GABRG3: variants seen among roughly 807,000 people sequenced by gnomAD.
The protein encoded by GABRG3 is gamma-aminobutyric acid receptor subunit gamma-3.
In GABRG3, 25 loss-of-function variants were observed where a neutral mutation model predicts 48.8. The observed-to-expected ratio is 0.51, with a 90% confidence interval of 0.37 to 0.72. The LOEUF is 0.72. Among genes scored for constraint, GABRG3 ranks in the 30% least tolerant of loss-of-function variants. GABRG3 has a pLI of 0.00. For synonymous variants in GABRG3, 227 were observed against 217.6 expected (o/e 1.04, Z -0.38); for missense variants, 394 against 577.9 (o/e 0.68, Z 3.26).
chr15:27,360,406 G>A (rs1359336784), intron 5 of GABRG3, among the ~76,000 whole-genome samples: 3 of 152,188 alleles, frequency 2.0e-5, no homozygotes, highest in South Asian at 2.1e-4. Context: ...TGGGAGTTAT[G>A]GAGCCCTGTA....
At chr15:27,303,323 C>T (rs891061057) in intron 3 of GABRG3, among the ~76,000 whole-genome samples, 1 of 151,610 alleles carries the variant, frequency 6.6e-6, no homozygotes, top group Admixed American at 6.6e-5. Flanking sequence ...AGAAACACCT[C>T]TATGGGAATA....
chr15:27,460,010 T>C (rs1183279889), intron 5 of GABRG3, among the ~76,000 whole-genome samples: 1 of 152,152 alleles, frequency 6.6e-6, no homozygotes, highest in Non-Finnish European at 1.5e-5. Context: ...GTCCTTTGAA[T>C]GGAATTGGAC....
At chr15:27,241,385 A>C (rs1287794975) in intron 3 of GABRG3, among the ~76,000 whole-genome samples, 1 of 152,246 alleles carries the variant, frequency 6.6e-6, no homozygotes, top group African/African-American at 2.4e-5. Flanking sequence ...AACAGTTTCT[A>C]GAACTGTTAT....
chr15:27,078,735 C>T (rs1404598989), intron 3 of GABRG3, among the ~76,000 whole-genome samples: 2 of 152,148 alleles, frequency 1.3e-5, no homozygotes, highest in Non-Finnish European at 2.9e-5. Context: ...AAGTGTCTTT[C>T]GCATGAGGAC....
At chr15:27,137,458 C>T (rs1898029819) in intron 3 of GABRG3, among the ~76,000 whole-genome samples, 1 of 152,138 alleles carries the variant, frequency 6.6e-6, no homozygotes, top group African/African-American at 2.4e-5. Context: ...TAAATGCTGG[C>T]AAGATTCTCT....
At chr15:27,522,987 C>T (rs3101644) in intron 7 of GABRG3, among the ~76,000 whole-genome samples, 94,876 of 151,630 alleles carry the variant, frequency 0.63, 30,859 homozygotes, top group African/African-American at 0.81. Context: ...TATCAATGTC[C>T]TTGAGCTATT....
At chr15:27,183,904 T>TGATGCATGG (rs1369685317) in intron 3 of GABRG3, among the ~76,000 whole-genome samples, 22 of 152,364 alleles carry the variant, frequency 1.4e-4, no homozygotes, top group Admixed American at 1.3e-3. Context: ...TCACCTCACA[T>TGATGCATGG]TTATTCATCA....
At chr15:27,162,014 A>C (rs935012851) in intron 3 of GABRG3, among the ~76,000 whole-genome samples, 1 of 152,026 alleles carries the variant, frequency 6.6e-6, no homozygotes, top group Non-Finnish European at 1.5e-5. Context: ...TTACACATAC[A>C]CTATAATTTT....
chr15:26,997,368 C>G (rs111641293), intron 2 of GABRG3, among the ~76,000 whole-genome samples: 3 of 152,002 alleles, frequency 2.0e-5, no homozygotes, highest in African/African-American at 7.2e-5. Context: ...TTCTTTTTTT[C>G]CTGTGTATGA....
In GABRG3 at chr15:27,328,809, C is replaced by T; in HGVS notation, c.495C>T (p.Leu165=). Residue 165 remains leucine (L), a synonymous_variant, in exon 5 of 10, where the codon CTC becomes CTT. Transcript: ENST00000615808. ...CTGACACTTGGCTTTTTCGCAGGCTCACCATCAATGCTGAGTGCCAGCTGC... is the reference window on the plus strand; with the variant it reads ...CTGACACTTGGCTTTTTCGCAGGCTTACCATCAATGCTGAGTGCCAGCTGC... ...NDGKILYTLR[L]TINAECQLQL... is the part of the protein sequence containing the mutation. 6.2e-7 allele frequency: 1 copy of T among 1,613,948 alleles called. No homozygotes were observed.
At chr15:27,003,122 A>G (rs1804235916) in intron 2 of GABRG3, among the ~76,000 whole-genome samples, 1 of 150,508 alleles carries the variant, frequency 6.6e-6, no homozygotes, top group Admixed American at 6.6e-5. Context: ...ACATAGCCTT[A>G]TATCGTTGGT....
intron 3 of GABRG3, among the ~76,000 whole-genome samples, chr15:27,083,065 G>A (rs1412282193): frequency 6.6e-6 from 1 of 152,204 alleles, no homozygotes; most frequent in East Asian, 1.9e-4. Flanking sequence ...ATAAGGTAAA[G>A]ATCAAACCAG....
intron 2 of GABRG3, among the ~76,000 whole-genome samples, chr15:27,007,943 C>T (rs1246283183): frequency 1.3e-5 from 2 of 151,960 alleles, no homozygotes; most frequent in African/African-American, 4.8e-5. Flanking sequence ...GCTTTTTTTG[C>T]AATTGCTTTT....
chr15:26,986,188 A>G (rs537846035), intron 2 of GABRG3, among the ~76,000 whole-genome samples: 26 of 152,296 alleles, frequency 1.7e-4, no homozygotes, highest in African/African-American at 6.3e-4. Context: ...ACCAGCAATT[A>G]CTGTATATCC....
chr15:27,128,637 A>C (rs1897863200), intron 3 of GABRG3, among the ~76,000 whole-genome samples: 1 of 152,226 alleles, frequency 6.6e-6, no homozygotes, highest in Non-Finnish European at 1.5e-5. Context: ...AGCATTTGTA[A>C]AGCAGAACAA....
chr15:27,408,913 C>A (rs187101048), intron 5 of GABRG3, among the ~76,000 whole-genome samples: 28 of 152,236 alleles, frequency 1.8e-4, no homozygotes, highest in South Asian at 4.1e-4. Context: ...TTTTAAGTTT[C>A]CATAAATCAT....
At chr15:27,294,688 G>A (rs1221025718) in intron 3 of GABRG3, among the ~76,000 whole-genome samples, 4 of 152,132 alleles carry the variant, frequency 2.6e-5, no homozygotes, top group African/African-American at 4.8e-5. Context: ...TAGCACTGTG[G>A]AGGGTGAGGC....
chr15:27,481,110 G>T, intron 6 of GABRG3: 1 of 1,110,848 alleles, frequency 9.0e-7, no homozygotes, highest in Non-Finnish European at 1.1e-6. Context: ...AAATTTCCAC[G>T]TACATAAGAA....
At chr15:27,393,831 G>A (rs9635411) in intron 5 of GABRG3, among the ~76,000 whole-genome samples, 3 of 152,082 alleles carry the variant, frequency 2.0e-5, no homozygotes, top group Admixed American at 6.5e-5. Context: ...TGGCAGCCCC[G>A]CTGATACCTT....
Sources: gnomAD v4.1 joint callset for allele counts (sites outside exome capture counted in the v4.1 genomes callset) on GRCh38, gnomAD v4.1.1 for gene constraint, MANE v1.5 for transcripts, NCBI Gene and HGNC (gene_info 2026-07-23, HGNC 2026-07-21) for gene names.